Variants in CFAP20DC observed in about 807,000 individuals in gnomAD.
CFAP20DC encodes the protein CFAP20 domain containing.
A neutral mutation model predicts 101.7 loss-of-function variants in CFAP20DC; 84 were observed. The ratio of observed to expected loss-of-function variants is 0.83; its 90% CI spans 0.69 to 0.99. The LOEUF is 0.99. Ranked by LOEUF, CFAP20DC falls within the 50% of genes least tolerant of loss-of-function variation. CFAP20DC has a pLI of 0.00. For missense variants in CFAP20DC, 1,007 were observed against 970.3 expected, an observed-to-expected ratio of 1.04 and a Z score of -0.50; for synonymous variants, 359 against 351.2, an observed-to-expected ratio of 1.02 and a Z score of -0.25.
At chr3:58,798,404 C>T (rs1470635735) in intron 15 of CFAP20DC, among the ~76,000 whole-genome samples, 2 of 152,088 alleles carry the variant, frequency 1.3e-5, no homozygotes, top group Non-Finnish European at 2.9e-5. Context: ...AAATAAAGCT[C>T]GAAGATGTGG....
In CFAP20DC at chr3:58,863,790, C is replaced by T; in HGVS notation, c.1361G>A (p.Trp454Ter). The change falls in exon 12 of 17, where the codon TGG (tryptophan) becomes TAG (stop). Residue 454 changes from tryptophan to a stop codon, truncating the protein, a stop_gained. Coordinates refer to ENST00000482387, the MANE Select transcript of CFAP20DC (RefSeq NM_001394063.1). LOFTEE classifies it high-confidence loss of function. The surrounding 1 kb of genome is among the most constrained non-coding windows in gnomAD (Gnocchi z 5.9). The stretch of plus-strand genomic sequence containing the variant: ...TTCACTCTCTTTGCTGGCTTCCAGC[C>T]ACAGGTGTGATGGGTTGCAGGAGTC... ...GDDSCNPSHLWLEASKESEHD... is the reference protein window; with the variant it reads ...GDDSCNPSHL The T allele has an allele frequency of 1.2e-6, 2 of 1,614,188 alleles. No individual in the cohort carries two copies. Among genetic ancestry groups the T allele is most frequent in the Non-Finnish European group, 1.7e-6 (2 of 1,180,042 alleles).
intron 4 of CFAP20DC, among the ~76,000 whole-genome samples, chr3:58,956,790 T>C (rs763166569): frequency 5.9e-5 from 9 of 152,196 alleles, no homozygotes; most frequent in South Asian, 2.1e-4. Flanking sequence ...CTTACCATCA[T>C]GGCAGAAGGG....
chr3:58,990,906 T>G (rs2092916427), intron 4 of CFAP20DC, among the ~76,000 whole-genome samples: 1 of 152,158 alleles, frequency 6.6e-6, no homozygotes, highest in Non-Finnish European at 1.5e-5. Flanking sequence ...AACACTCACT[T>G]TGTTATTTTT....
intron 4 of CFAP20DC, among the ~76,000 whole-genome samples, chr3:59,021,637 C>T (rs1377968186): frequency 6.6e-6 from 1 of 152,112 alleles, no homozygotes; most frequent in African/African-American, 2.4e-5. Flanking sequence ...CCAGCAGCTA[C>T]ACAGATTGAA....
At chr3:58,836,990 T>C (rs906180041) in intron 13 of CFAP20DC, among the ~76,000 whole-genome samples, 21 of 152,122 alleles carry the variant, frequency 1.4e-4, no homozygotes, top group African/African-American at 5.1e-4. Flanking sequence ...GAGGGTAATA[T>C]GGCAGCACGT....
chr3:58,856,174 G>T lies in CFAP20DC; in HGVS notation c.1594-6765C>A, dbSNP rs529900926. 5.3e-5 allele frequency among the ~76,000 whole-genome samples: 8 copies of T among 151,202 alleles called. No individual in the cohort carries two copies. In the South Asian group the frequency reaches 1.7e-3, roughly 32 times the overall value. On this transcript the variant is annotated intron_variant, in intron 12 of 16. Transcript: ENST00000482387. ...TGTACCTCCAGTACACTAAGGATGAGAACTGCATTGTTAAGGATCTTTTAT... is the reference window on the plus strand; with the variant it reads ...TGTACCTCCAGTACACTAAGGATGATAACTGCATTGTTAAGGATCTTTTAT...
chr3:58,993,962 T>A (rs781463156), intron 4 of CFAP20DC, among the ~76,000 whole-genome samples: 47 of 152,324 alleles, frequency 3.1e-4, no homozygotes, highest in Non-Finnish European at 6.2e-4. Context: ...ATGGGATTGC[T>A]GGGTCAAATG....
Position 59,014,066 on chromosome 3 carries a change from A to G in CFAP20DC, c.278+25491T>C, listed in dbSNP as rs564044011. ...ACTGAAATTGCATAAAACAGATAGGACAGCTAATTTAAACAGTTGTTTGCA... is the reference window on the plus strand; with the variant it reads ...ACTGAAATTGCATAAAACAGATAGGGCAGCTAATTTAAACAGTTGTTTGCA... On this transcript the variant is annotated intron_variant, in intron 4 of 16. Transcript: ENST00000482387. This position sits in a 1 kb window ranked among gnomAD's most constrained non-coding sequence, Gnocchi z 4.9. Among the ~76,000 whole-genome samples, 19 of 152,310 alleles carry G rather than the reference A, an allele frequency of 1.2e-4. No individual in the cohort carries two copies. The highest frequency in any genetic ancestry group is 4.1e-4 in the South Asian group (2 of 4,822).
chr3:58,775,948 T>A (rs910084469), intron 15 of CFAP20DC, among the ~76,000 whole-genome samples: 27 of 152,084 alleles, frequency 1.8e-4, no homozygotes, highest in African/African-American at 6.0e-4. Flanking sequence ...TTTCTCCATG[T>A]TGGTCAGGCT....
chr3:58,937,070 A>C (rs915321614), intron 5 of CFAP20DC, among the ~76,000 whole-genome samples: 3 of 152,138 alleles, frequency 2.0e-5, no homozygotes, highest in African/African-American at 4.8e-5. Flanking sequence ...GAAGTTTGAG[A>C]ACGACTTGTC....
Position 58,849,324 on chromosome 3 carries a change from T to G in CFAP20DC, c.1679A>C (p.Lys560Thr). ...TQLTLESLLG[K>T]AAKRTSKEYL... ...TTCCTTACTTGTCCGCTTTGCAGCC[T>G]TCCCCAGCAGGCTCTCTAATGTTAA... Residue 560 changes from lysine (K) to threonine (T), a missense_variant, in exon 13 of 17, where the codon AAG becomes ACG. Coordinates refer to ENST00000482387, the MANE Select transcript of CFAP20DC (RefSeq NM_001394063.1). 2 of 1,536,138 alleles carry G rather than the reference T, an allele frequency of 1.3e-6. No homozygotes were observed. Among genetic ancestry groups the G allele is most frequent in the Non-Finnish European group, 1.7e-6 (2 of 1,146,892 alleles).
intron 14 of CFAP20DC, among the ~76,000 whole-genome samples, chr3:58,818,397 T>C (rs955710515): frequency 5.4e-5 from 8 of 147,818 alleles, no homozygotes; most frequent in African/African-American, 1.6e-4. Context: ...AGGAAACCCA[T>C]CTCACGTGCA....
chr3:58,941,242 T>A (rs2088520059), intron 4 of CFAP20DC, among the ~76,000 whole-genome samples: 1 of 141,040 alleles, frequency 7.1e-6, no homozygotes, highest in Non-Finnish European at 1.5e-5. Flanking sequence ...GGCAGGAGAA[T>A]CGCTTGAACC....
intron 15 of CFAP20DC, among the ~76,000 whole-genome samples, chr3:58,784,027 C>T (rs191295079): frequency 4.6e-5 from 7 of 150,566 alleles, no homozygotes; most frequent in Admixed American, 3.3e-4. Context: ...CTAGGGGTAC[C>T]TATTGTTTCT....
At chr3:58,811,084 G>A (rs1277802736) in intron 14 of CFAP20DC, among the ~76,000 whole-genome samples, 1 of 152,160 alleles carries the variant, frequency 6.6e-6, no homozygotes, top group Non-Finnish European at 1.5e-5. Context: ...AACATTCCAT[G>A]CTCATGGGTA....
Position 58,955,659 on chromosome 3 carries a change from G to GC in CFAP20DC, c.279-17898dup, listed in dbSNP as rs753379644. On this transcript the variant is annotated intron_variant, in intron 4 of 16. Transcript: ENST00000482387. ...AGGCCACAAAGTCTGCAACTCCTAGGCAAGTCCTAGTGCTGAACTGGTCTC... is the reference window on the plus strand; with the variant it reads ...AGGCCACAAAGTCTGCAACTCCTAGGCCAAGTCCTAGTGCTGAACTGGTCTC... Among the ~76,000 whole-genome samples, 3 of 152,104 alleles carry GC rather than the reference G, an allele frequency of 2.0e-5. No individual in the cohort carries two copies. In the East Asian group the frequency reaches 5.8e-4, roughly 30 times the overall value.
In CFAP20DC at chr3:58,769,671, C is replaced by T. The variant is rs144373481; in HGVS notation, c.2238-15808G>A. On this transcript the variant is annotated intron_variant, in intron 15 of 16. Transcript: ENST00000482387. ...CTAGTTGAGAATGACATGAGAATTA[C>T]GCTTGCCAGACATGTCTCCCCTCCT... 1.2e-4 allele frequency among the ~76,000 whole-genome samples: 19 copies of T among 152,100 alleles called. 1 individual carries two copies. The highest frequency in any genetic ancestry group is 3.9e-4 in the African/African-American group (16 of 41,494).
chr3:58,763,487 C>A (rs1426301709), intron 15 of CFAP20DC, among the ~76,000 whole-genome samples: 5 of 152,128 alleles, frequency 3.3e-5, no homozygotes. Flanking sequence ...GTTTGAACTT[C>A]CTCCTTTAGC....
chr3:58,868,294 G>A lies in CFAP20DC; in HGVS notation c.1016-358C>T, dbSNP rs560807161. Among the ~76,000 whole-genome samples, 2 of 152,194 alleles carry A rather than the reference G, an allele frequency of 1.3e-5. No homozygotes were observed. The highest frequency in any genetic ancestry group is 2.4e-5 in the African/African-American group (1 of 41,550). On this transcript the variant is annotated intron_variant, in intron 9 of 16. Coordinates refer to ENST00000482387, the MANE Select transcript of CFAP20DC (RefSeq NM_001394063.1). The surrounding 1 kb of genome is among the most constrained non-coding windows in gnomAD (Gnocchi z 4.6). ...TTCTTCCTTTAAAAGAGGAAGTGTC[G>A]ATAACTATACTTTCAACAAGAGCAT...
Sources: allele counts gnomAD v4.1 joint callset (sites outside exome capture counted in the v4.1 genomes callset), GRCh38; gene constraint gnomAD v4.1.1; non-coding constraint Gnocchi (gnomAD v3.1); transcripts MANE v1.5; gene names NCBI Gene and HGNC (gene_info 2026-07-23, HGNC 2026-07-21).